Variants in RXRG observed in about 807,000 individuals in gnomAD.
The protein encoded by RXRG is retinoid X receptor gamma.
RXRG carries 19 observed loss-of-function variants against 49.2 expected under a neutral mutation model. The observed-to-expected ratio is 0.39, with a 90% CI of 0.27 to 0.57. The LOEUF (loss-of-function observed/expected upper bound fraction) is 0.57. RXRG is among the 20% of genes least tolerant of loss of function. RXRG has a pLI of 0.64. For missense variants in RXRG, 452 were observed against 592.5 expected, an observed-to-expected ratio of 0.76 and a Z score of 2.46; for synonymous variants, 224 against 216.6, an observed-to-expected ratio of 1.03 and a Z score of -0.30.
intron 1 of RXRG, among the ~76,000 whole-genome samples, chr1:165,432,171 T>C (rs1408716123): frequency 6.6e-6 from 1 of 152,194 alleles, no homozygotes; most frequent in Non-Finnish European, 1.5e-5. Context: ...GTTGTTATCA[T>C]TATTAATAAG....
At chr1:165,412,659 T>A (rs558219205) in intron 4 of RXRG, among the ~76,000 whole-genome samples, 1 of 152,314 alleles carries the variant, frequency 6.6e-6, no homozygotes, top group Non-Finnish European at 1.5e-5. Flanking sequence ...GAAGCAATTA[T>A]AAAAACTCAA....
At chr1:165,441,916 C>T (rs141599541) in intron 1 of RXRG, among the ~76,000 whole-genome samples, 265 of 152,300 alleles carry the variant, frequency 1.7e-3, no homozygotes, top group African/African-American at 5.8e-3. Context: ...GGAGCCACCA[C>T]GTAGCCACCA....
At chr1:165,411,197 C>A in intron 4 of RXRG, 88 bp from the exon 5 acceptor site, 1 of 1,317,478 alleles carries the variant, frequency 7.6e-7, no homozygotes. Flanking sequence ...TCAATTTACT[C>A]ATCTATGAAA....
At chr1:165,408,017 A>G (rs1230058377) in intron 8 of RXRG, among the ~76,000 whole-genome samples, 1 of 152,044 alleles carries the variant, frequency 6.6e-6, no homozygotes. Flanking sequence ...GTCATCTTTC[A>G]TCTTCCCCAC....
chr1:165,403,130 G>A (rs1013865867), intron 9 of RXRG, among the ~76,000 whole-genome samples: 2 of 152,234 alleles, frequency 1.3e-5, no homozygotes, highest in East Asian at 1.9e-4. Context: ...AAAGACCAGT[G>A]TGTGAAGGAA....
intron 1 of RXRG, among the ~76,000 whole-genome samples, chr1:165,432,188 G>C (rs1461288860): frequency 1.3e-5 from 2 of 152,154 alleles, no homozygotes; most frequent in Non-Finnish European, 2.9e-5. Context: ...TAAGAAGTAA[G>C]TTAACTTGAC....
intron 1 of RXRG, among the ~76,000 whole-genome samples, chr1:165,433,168 T>C (rs971968626): frequency 6.6e-6 from 1 of 152,104 alleles, no homozygotes; most frequent in African/African-American, 2.4e-5. Context: ...ATCCCTTCCA[T>C]CATGTGAGGC....
At chr1:165,414,347 A>T (rs1658056154) in intron 4 of RXRG, among the ~76,000 whole-genome samples, 1 of 152,210 alleles carries the variant, frequency 6.6e-6, no homozygotes, top group Admixed American at 6.5e-5. Flanking sequence ...TACAGTTCAC[A>T]TGTCCCTGTT....
intron 1 of RXRG, among the ~76,000 whole-genome samples, chr1:165,434,246 A>T (rs1658760593): frequency 6.6e-6 from 1 of 150,846 alleles, no homozygotes; most frequent in African/African-American, 2.4e-5. Context: ...GTTTACCAGA[A>T]CCACAATCTC....
At chr1:165,422,712 G>A (rs1331417752) in intron 2 of RXRG, among the ~76,000 whole-genome samples, 4 of 152,228 alleles carry the variant, frequency 2.6e-5, no homozygotes, top group African/African-American at 7.2e-5. Flanking sequence ...GCAGCCACTA[G>A]AGGCTTGGAG....
At chr1:165,408,435 T>A in intron 7 of RXRG, 117 bp from the exon 8 acceptor site, 1 of 712,390 alleles carries the variant, frequency 1.4e-6, no homozygotes, top group Non-Finnish European at 2.6e-6. Flanking sequence ...GATGTACCAG[T>A]TACTAGGGGT....
At chr1:165,430,684 G>T (rs1021526382) in intron 1 of RXRG, among the ~76,000 whole-genome samples, 1 of 152,210 alleles carries the variant, frequency 6.6e-6, no homozygotes, top group Non-Finnish European at 1.5e-5. Context: ...GGCCCACAGG[G>T]GCATGGCAAA....
chr1:165,410,674 A>G (rs1303715327), intron 6 of RXRG, 28 bp downstream of exon 6: 13 of 1,610,662 alleles, frequency 8.1e-6, no homozygotes, highest in Non-Finnish European at 1.1e-5. Flanking sequence ...AAATTGTCCC[A>G]GGAAAAAAGG....
intron 1 of RXRG, among the ~76,000 whole-genome samples, chr1:165,434,423 CA>C (rs1290640206): frequency 1.3e-5 from 2 of 152,138 alleles, no homozygotes; most frequent in Non-Finnish European, 2.9e-5. Flanking sequence ...CCAATAAAAG[CA>C]AAATGTCAAG....
chr1:165,416,121 C>A (rs976305790), intron 4 of RXRG, among the ~76,000 whole-genome samples: 2 of 152,202 alleles, frequency 1.3e-5, no homozygotes, highest in African/African-American at 4.8e-5. Context: ...ATGCCCTCTT[C>A]TCACAGAAAA....
Position 165,444,896 on chromosome 1 carries a change from TTACTCG to T in RXRG, c.-9_-4del, listed in dbSNP as rs780429971. The T allele has an allele frequency of 1.3e-3, 2,090 of 1,613,796 alleles. 5 individuals are homozygous for T. The highest frequency in any genetic ancestry group is 1.5e-3 in the Non-Finnish European group (1,823 of 1,179,702). On this transcript the variant is annotated 5_prime_UTR_variant, in exon 1 of 10. Coordinates refer to ENST00000359842, the MANE Select transcript of RXRG (RefSeq NM_006917.5). ...AAGTGAGAATAATTTCCATACATGT[TTACTCG>T]TCAGTTCATGTTCCTCTCCTGTGCA...
intron 2 of RXRG, among the ~76,000 whole-genome samples, chr1:165,423,450 T>C (rs568448498): frequency 8.5e-5 from 13 of 152,296 alleles, no homozygotes; most frequent in African/African-American, 2.4e-4. Context: ...TCCTTGAACA[T>C]TGAGTCCTGC....
chr1:165,414,837 C>T (rs1460970687), intron 4 of RXRG, among the ~76,000 whole-genome samples: 2 of 152,200 alleles, frequency 1.3e-5, no homozygotes, highest in Non-Finnish European at 2.9e-5. Context: ...AGAGTAGGCA[C>T]TCAGCTAATA....
Position 165,445,029 on chromosome 1 carries a change from A to G in RXRG, c.-136T>C. ...ATCGCTTCCTAGCAGCCCGGGGAGCACAGGCTGGGCCAGCCCTCTGGGATT... is the reference window on the plus strand; with the variant it reads ...ATCGCTTCCTAGCAGCCCGGGGAGCGCAGGCTGGGCCAGCCCTCTGGGATT... On this transcript the variant is annotated 5_prime_UTR_variant, in exon 1 of 10. Transcript: ENST00000359842. The G allele has an allele frequency of 1.3e-6, 1 of 762,644 alleles. No homozygotes were observed. The highest frequency in any genetic ancestry group is 2.3e-6 in the Non-Finnish European group (1 of 432,766). The allele number at this position is 762,644 out of a possible 1,614,324, so 47.2% of individuals were successfully genotyped here.
Sources: allele counts gnomAD v4.1 joint callset (sites outside exome capture counted in the v4.1 genomes callset), GRCh38; gene constraint gnomAD v4.1.1; transcripts MANE v1.5; gene names NCBI Gene and HGNC (gene_info 2026-07-23, HGNC 2026-07-21).